The following EPHB2 variants were observed in gnomAD, a reference collection of about 807,000 sequenced individuals.
The protein encoded by EPHB2 is ephrin type-B receptor 2.
A neutral mutation model predicts 96.4 loss-of-function variants in EPHB2; 18 were observed. The ratio of observed to expected loss-of-function variants is 0.19; its 90% CI spans 0.13 to 0.28. The LOEUF is 0.28. EPHB2 is among the 10% of genes least tolerant of loss of function. The probability of loss-of-function intolerance (pLI) is 1.00; values close to 1 mark genes in which losing one functional copy is unlikely to be tolerated. For missense variants in EPHB2, 989 were observed against 1,355.4 expected (o/e 0.73, Z 4.25); for synonymous variants, 506 against 534.1 (o/e 0.95, Z 0.72).
Position 22,918,581 on chromosome 1 carries a change from T to A in EPHB2, c.*5011T>A, listed in dbSNP as rs927463451. 3 of 152,230 alleles carry A rather than the reference T, an allele frequency of 2.0e-5. No individual in the cohort carries two copies. The highest frequency in any genetic ancestry group is 4.8e-5 in the African/African-American group (2 of 41,468). The allele number at this position is 152,230 out of a possible 1,614,324, so 9.4% of individuals were successfully genotyped here. On this transcript the variant is annotated 3_prime_UTR_variant, in exon 16 of 16. Coordinates refer to ENST00000374630, the MANE Select transcript of EPHB2 (RefSeq NM_017449.5). The surrounding 1 kb of genome is among the most constrained non-coding windows in gnomAD (Gnocchi z 4.2). ...GGAAGTTGAGGGAGCCCCACTGTGC[T>A]GTGTGATGCTACATACGCATGCGAA...
chr1:22,728,553 T>C (rs10799760), intron 1 of EPHB2, among the ~76,000 whole-genome samples: 74,896 of 152,058 alleles, frequency 0.49, 19,567 homozygotes, highest in East Asian at 0.93. Flanking sequence ...GGGCCTGGCA[T>C]GAAGTAGGTG....
intron 1 of EPHB2, among the ~76,000 whole-genome samples, chr1:22,716,846 G>A (rs1395779319): frequency 6.6e-6 from 1 of 152,220 alleles, no homozygotes; most frequent in African/African-American, 2.4e-5. Context: ...TCCCACTGAG[G>A]GTGGCGGAGA....
At chr1:22,853,749 T>C (rs1048680448) in intron 3 of EPHB2, among the ~76,000 whole-genome samples, 3 of 152,032 alleles carry the variant, frequency 2.0e-5, no homozygotes, top group Non-Finnish European at 4.4e-5. Context: ...ACTGGGAGCA[T>C]GAGGGAGCTG....
chr1:22,818,517 GTA>G (rs1645105394), intron 3 of EPHB2, among the ~76,000 whole-genome samples: 1 of 152,086 alleles, frequency 6.6e-6, no homozygotes, highest in African/African-American at 2.4e-5. Context: ...GTCATGGTGT[GTA>G]TCTACCTAAA....
intron 1 of EPHB2, among the ~76,000 whole-genome samples, chr1:22,775,827 TC>T (rs750295644): frequency 2.0e-5 from 3 of 152,344 alleles, no homozygotes; most frequent in Admixed American, 6.5e-5. Context: ...TGGCCCTAGT[TC>T]CAGCTTTTGC....
chr1:22,765,469 C>T (rs12760781), intron 1 of EPHB2, among the ~76,000 whole-genome samples: 1 of 150,876 alleles, frequency 6.6e-6, no homozygotes, highest in Non-Finnish European at 1.5e-5. Flanking sequence ...ATCACTTGAA[C>T]CCTGGAGGCG....
chr1:22,759,356 T>G (rs1644202723), intron 1 of EPHB2, among the ~76,000 whole-genome samples: 1 of 129,826 alleles, frequency 7.7e-6, no homozygotes, highest in Admixed American at 8.5e-5. Context: ...TTCAGGTACT[T>G]CAACAGGTAC....
chr1:22,898,842 A>G (rs1022635941), intron 9 of EPHB2, among the ~76,000 whole-genome samples: 17 of 152,222 alleles, frequency 1.1e-4, no homozygotes, highest in African/African-American at 4.1e-4. Context: ...CGTAAGAATG[A>G]GCAGAGTCTA....
At chr1:22,730,381 C>T (rs1184977883) in intron 1 of EPHB2, among the ~76,000 whole-genome samples, 3 of 152,222 alleles carry the variant, frequency 2.0e-5, no homozygotes, top group African/African-American at 4.8e-5. Context: ...GGGGTCTTGA[C>T]ATCCCAAGCT....
chr1:22,813,712 T>C (rs566568334), intron 3 of EPHB2, among the ~76,000 whole-genome samples: 1 of 152,366 alleles, frequency 6.6e-6, no homozygotes, highest in African/African-American at 2.4e-5. Context: ...CTCTGAACGC[T>C]GGTTTCTTCC....
chr1:22,718,895 T>C (rs181641686), intron 1 of EPHB2, among the ~76,000 whole-genome samples: 1 of 152,226 alleles, frequency 6.6e-6, no homozygotes, highest in Admixed American at 6.5e-5. Context: ...CCAGAGCTCA[T>C]GCTCTTCTCC....
At chr1:22,810,856 A>T (rs577518814) in intron 3 of EPHB2, among the ~76,000 whole-genome samples, 1 of 152,166 alleles carries the variant, frequency 6.6e-6, no homozygotes, top group Non-Finnish European at 1.5e-5. Flanking sequence ...CGAATGAGGG[A>T]CTTTCAGGCA....
At chr1:22,714,161 G>C (rs1019469568) in intron 1 of EPHB2, among the ~76,000 whole-genome samples, 1 of 152,190 alleles carries the variant, frequency 6.6e-6, no homozygotes, top group Admixed American at 6.5e-5. Flanking sequence ...AGCTGACAGG[G>C]AAAAGAGTGG....
rs772092699 is a variant in EPHB2, at chr1:22,912,497, C to A, written c.2750C>A (p.Thr917Lys). 1 of 1,614,048 alleles carries A rather than the reference C, an allele frequency of 6.2e-7. No homozygotes were observed. The highest frequency in any genetic ancestry group is 2.2e-5 in the East Asian group (1 of 44,868). ...ATCCCCGACTACACCAGCTTTAACA[C>A]GGTGGACGAGTGGCTGGAGGCCATC... ...RTIPDYTSFN[T>K]VDEWLEAIKM... The change falls in exon 15 of 16, where the codon ACG (threonine) becomes AAG (lysine). Residue 917 changes from threonine to lysine, a missense_variant. Thr to Lys is a moderately conservative substitution (Grantham distance 78). Transcript: ENST00000374630.
intron 5 of EPHB2, among the ~76,000 whole-genome samples, chr1:22,878,061 A>T (rs1281138145): frequency 6.6e-6 from 1 of 152,264 alleles, no homozygotes; most frequent in East Asian, 1.9e-4. Context: ...GAGAGGTGTG[A>T]ACAGAACAGC....
chr1:22,803,550 G>A (rs10917301), intron 3 of EPHB2, among the ~76,000 whole-genome samples: 28,977 of 149,514 alleles, frequency 0.19, 2,888 homozygotes, highest in South Asian at 0.29. Context: ...AAGCTGCCGT[G>A]AGCCATGATC....
At chr1:22,820,483 A>G (rs1645137578) in intron 3 of EPHB2, among the ~76,000 whole-genome samples, 1 of 152,186 alleles carries the variant, frequency 6.6e-6, no homozygotes, top group Non-Finnish European at 1.5e-5. Flanking sequence ...CAACATAGTG[A>G]GACCCCATCT....
Position 22,860,270 on chromosome 1 carries a change from C to T in EPHB2, c.812-2767C>T, listed in dbSNP as rs373098359. Among the ~76,000 whole-genome samples the T allele has an allele frequency of 3.1e-4, 47 of 152,080 alleles. No individual in the cohort carries two copies. In the South Asian group the frequency reaches 3.1e-3, roughly 10 times the overall value. ...GAAAGAGCTTTCTAGATGCTGGCAG[C>T]GGGGGGAGCGGCCAAGACCAGACCA... is the stretch of plus-strand genomic sequence containing the variant. On this transcript the variant is annotated intron_variant, in intron 3 of 15. Transcript: ENST00000374630. This position sits in a 1 kb window ranked among gnomAD's most constrained non-coding sequence, Gnocchi z 4.6.
intron 4 of EPHB2, among the ~76,000 whole-genome samples, chr1:22,864,280 AG>A (rs1638390559): frequency 6.6e-6 from 1 of 152,026 alleles, no homozygotes; most frequent in Non-Finnish European, 1.5e-5. Flanking sequence ...TCCTGACCTC[AG>A]GTGATCCGCC....
Sources: allele counts gnomAD v4.1 joint callset (sites outside exome capture counted in the v4.1 genomes callset), GRCh38; gene constraint gnomAD v4.1.1; non-coding constraint Gnocchi (gnomAD v3.1); transcripts MANE v1.5; gene names NCBI Gene and HGNC (gene_info 2026-07-23, HGNC 2026-07-21).